WNT7A: variants seen among roughly 807,000 people sequenced by gnomAD.
WNT7A encodes protein Wnt-7a.
Under a neutral mutation model 28.2 loss-of-function variants are expected in WNT7A, and 16 were observed. That is an observed-to-expected ratio of 0.57 (90% CI 0.38 to 0.86). The LOEUF (loss-of-function observed/expected upper bound fraction) is 0.86. Among genes scored for constraint, WNT7A ranks in the 40% least tolerant of loss-of-function variants. The pLI, the probability that WNT7A is intolerant of heterozygous loss-of-function variation, is 0.00. For missense variants in WNT7A, 411 were observed against 489.7 expected, an observed-to-expected ratio of 0.84 and a Z score of 1.52; for synonymous variants, 190 against 195.9, an observed-to-expected ratio of 0.97 and a Z score of 0.25.
At chr3:13,824,085 A>C (rs1409128211) in intron 3 of WNT7A, among the ~76,000 whole-genome samples, 1 of 152,226 alleles carries the variant, frequency 6.6e-6, no homozygotes, top group Admixed American at 6.5e-5. Context: ...TTTTTAAAAC[A>C]GCTTTACTGC....
At chr3:13,822,027 A>G (rs1694118535) in intron 3 of WNT7A, among the ~76,000 whole-genome samples, 1 of 152,246 alleles carries the variant, frequency 6.6e-6, no homozygotes, top group African/African-American at 2.4e-5. Context: ...GGAAAGGCAA[A>G]TCAAAACCAC....
chr3:13,873,851 G>C (rs903061903), intron 2 of WNT7A, among the ~76,000 whole-genome samples: 3 of 152,212 alleles, frequency 2.0e-5, no homozygotes, highest in Non-Finnish European at 4.4e-5. Context: ...TGGGAAAAAG[G>C]ACAAGGCTGA....
intron 3 of WNT7A, among the ~76,000 whole-genome samples, chr3:13,823,425 C>T (rs967641501): frequency 6.6e-6 from 1 of 152,198 alleles, no homozygotes; most frequent in African/African-American, 2.4e-5. Context: ...AATCACTCCA[C>T]AAGCAGTATG....
intron 2 of WNT7A, among the ~76,000 whole-genome samples, chr3:13,868,427 T>C (rs1694944096): frequency 6.6e-6 from 1 of 150,378 alleles, no homozygotes; most frequent in Admixed American, 6.7e-5. Flanking sequence ...GTGAGCTATA[T>C]TTGCAGTGCT....
intron 3 of WNT7A, among the ~76,000 whole-genome samples, chr3:13,828,816 A>G (rs962070655): frequency 6.6e-6 from 1 of 152,198 alleles, no homozygotes; most frequent in East Asian, 1.9e-4. Flanking sequence ...GGCAACCAGA[A>G]TCAGTCTCCA....
Position 13,819,307 on chromosome 3 carries a change from C to T in WNT7A, c.687G>A (p.Lys229=), listed in dbSNP as rs375987715. Residue 229 remains lysine, a synonymous_variant, in exon 4 of 4, where the codon AAG becomes AAA. Coordinates refer to ENST00000285018, the MANE Select transcript of WNT7A (RefSeq NM_004625.4). ...PQFRELGYVL[K]DKYNEAVHVE... Reference sequence around the variant, plus strand: ...CGTGAACGGCCTCGTTGTACTTGTCCTTGAGCACGTAGCCCAGCTCCCGAA... The same window carrying T: ...CGTGAACGGCCTCGTTGTACTTGTCTTTGAGCACGTAGCCCAGCTCCCGAA... 6.2e-7 allele frequency: 1 copy of T among 1,613,786 alleles called. No individual in the cohort carries two copies. The highest frequency in any genetic ancestry group is 8.5e-7 in the Non-Finnish European group (1 of 1,179,710).
At position 13,856,987 on chromosome 3, in the gene WNT7A, G is replaced by GAGAAGAAGA. The variant is rs111694534; in HGVS notation, c.299-2193_299-2185dup. Reference sequence around the variant, plus strand: ...GAAGAAGGAGAAGAAGAAGAAGAAGGAGAAGAAGAAGAAGAAGAAGGAAGA... The same window carrying GAGAAGAAGA: ...GAAGAAGGAGAAGAAGAAGAAGAAGGAGAAGAAGAAGAAGAAGAAGAAGAAGAAGGAAGA... On this transcript the variant is annotated intron_variant, in intron 2 of 3. Coordinates refer to ENST00000285018, the MANE Select transcript of WNT7A (RefSeq NM_004625.4). Among the ~76,000 whole-genome samples the GAGAAGAAGA allele has an allele frequency of 0.013, 948 of 71,264 alleles. 38 individuals are homozygous for GAGAAGAAGA. The East Asian group carries it at 0.14, about 10-fold the overall frequency. 46.8% of individuals were successfully genotyped at this position (71,264 alleles called of 152,430 possible).
intron 2 of WNT7A, among the ~76,000 whole-genome samples, chr3:13,864,932 G>A (rs182260806): frequency 5.4e-4 from 82 of 152,274 alleles, no homozygotes; most frequent in African/African-American, 1.9e-3. Context: ...AATGGATTTC[G>A]CTGCCCATGG....
chr3:13,840,259 C>T (rs1294925042), intron 3 of WNT7A, among the ~76,000 whole-genome samples: 1 of 152,204 alleles, frequency 6.6e-6, no homozygotes, highest in Non-Finnish European at 1.5e-5. Flanking sequence ...TCTGTGCCCT[C>T]TCATCCTGCT....
chr3:13,878,331 G>T (rs1026401020), intron 1 of WNT7A, among the ~76,000 whole-genome samples: 1 of 152,198 alleles, frequency 6.6e-6, no homozygotes, highest in Non-Finnish European at 1.5e-5. Flanking sequence ...CGAGTCAATC[G>T]GCTCGAGCCA....
chr3:13,859,028 C>A (rs1484734980), intron 2 of WNT7A, among the ~76,000 whole-genome samples: 1 of 152,166 alleles, frequency 6.6e-6, no homozygotes, highest in Non-Finnish European at 1.5e-5. Flanking sequence ...AACTGAATTA[C>A]AAAACAAGGG....
At chr3:13,854,448 A>T in intron 3 of WNT7A, 84 bp downstream of exon 3, 1 of 1,604,748 alleles carries the variant, frequency 6.2e-7, no homozygotes, top group Non-Finnish European at 8.5e-7. Flanking sequence ...GCTCCTCAAC[A>T]GACACCCAGC....
chr3:13,840,235 C>T (rs1198941134), intron 3 of WNT7A, among the ~76,000 whole-genome samples: 1 of 152,176 alleles, frequency 6.6e-6, no homozygotes, highest in Non-Finnish European at 1.5e-5. Flanking sequence ...AATAAAATGC[C>T]CCTGCTCCTG....
chr3:13,828,780 T>C (rs1201623066), intron 3 of WNT7A, among the ~76,000 whole-genome samples: 1 of 152,222 alleles, frequency 6.6e-6, no homozygotes, highest in East Asian at 1.9e-4. Context: ...GGACTACTTG[T>C]ACCTCAGGTT....
chr3:13,877,581 C>A (rs991486438), intron 1 of WNT7A, among the ~76,000 whole-genome samples: 1 of 152,216 alleles, frequency 6.6e-6, no homozygotes, highest in Non-Finnish European at 1.5e-5. Flanking sequence ...AAGGGTCTGG[C>A]CTAGGTTCTC....
In WNT7A at chr3:13,817,656, C is replaced by T. The variant is rs1355336315; in HGVS notation, c.*1288G>A. 2 of 152,472 alleles carry T rather than the reference C, an allele frequency of 1.3e-5. No homozygotes were observed. Among genetic ancestry groups the T allele is most frequent in the African/African-American group, 4.8e-5 (2 of 41,456 alleles). The allele number at this position is 152,472 out of a possible 1,614,324, so 9.4% of individuals were successfully genotyped here. A position where few individuals can be genotyped will look rare whatever the true frequency, so the allele number is the denominator to read the frequency against. The stretch of plus-strand genomic sequence containing the variant: ...TGGGCCCGGCTGCTCATCGGCCCCT[C>T]ACCCCATCTGCTTTGGGTCACCTCA... On this transcript the variant is annotated 3_prime_UTR_variant, in exon 4 of 4. Transcript: ENST00000285018.
intron 3 of WNT7A, among the ~76,000 whole-genome samples, chr3:13,843,752 T>A (rs1184130349): frequency 6.6e-6 from 1 of 151,990 alleles, no homozygotes; most frequent in Non-Finnish European, 1.5e-5. Context: ...GAATCTTTTT[T>A]TTTTTTTCCC....
intron 3 of WNT7A, among the ~76,000 whole-genome samples, 193 bp downstream of exon 3, chr3:13,854,339 T>G (rs1410906620): frequency 6.6e-6 from 1 of 152,058 alleles, no homozygotes; most frequent in African/African-American, 2.4e-5. Context: ...TTATCCAACC[T>G]CTTCAGTAAC....
intron 2 of WNT7A, among the ~76,000 whole-genome samples, chr3:13,869,729 G>A (rs982918445): frequency 9.2e-5 from 14 of 152,048 alleles, no homozygotes; most frequent in African/African-American, 2.7e-4. Context: ...AAAAAAGGAA[G>A]GAAGGAAGGA....
Sources: gnomAD v4.1 joint callset for allele counts (sites outside exome capture counted in the v4.1 genomes callset) on GRCh38, gnomAD v4.1.1 for gene constraint, MANE v1.5 for transcripts, NCBI Gene and HGNC (gene_info 2026-07-23, HGNC 2026-07-21) for gene names.